Variants in MYO9A observed in about 807,000 individuals in gnomAD.
MYO9A encodes the protein myosin IXA, also known as unconventional myosin-IXa.
Under a neutral mutation model 293.3 loss-of-function variants are expected in MYO9A, and 103 were observed. The observed-to-expected ratio is 0.35, with a 90% CI of 0.30 to 0.41. The LOEUF (loss-of-function observed/expected upper bound fraction) is 0.41. Among genes scored for constraint, MYO9A ranks in the 10% least tolerant of loss-of-function variants. MYO9A has a pLI of 1.00. For missense variants in MYO9A, 2,685 were observed against 3,033.0 expected (o/e 0.89, Z 2.69); for synonymous variants, 1,001 against 1,035.7 (o/e 0.97, Z 0.64).
At chr15:72,000,134 T>C (rs749553728) in intron 8 of MYO9A, among the ~76,000 whole-genome samples, 194 bp from the exon 9 acceptor site, 99 of 152,028 alleles carry the variant, frequency 6.5e-4, no homozygotes, top group Non-Finnish European at 1.8e-4. Flanking sequence ...GACAAATGGG[T>C]TTTTTCAAGT....
chr15:71,856,138 C>T (rs932356716), intron 34 of MYO9A, among the ~76,000 whole-genome samples: 1 of 151,886 alleles, frequency 6.6e-6, no homozygotes. Context: ...TGGTGAAACC[C>T]CATTTCTACT....
At chr15:71,921,467 C>A (rs12900967) in intron 18 of MYO9A, among the ~76,000 whole-genome samples, 1 of 152,172 alleles carries the variant, frequency 6.6e-6, no homozygotes, top group African/African-American at 2.4e-5. Flanking sequence ...GTCATCCCTT[C>A]CACCCACTCC....
intron 27 of MYO9A, among the ~76,000 whole-genome samples, chr15:71,886,781 G>A (rs964790646): frequency 1.3e-5 from 2 of 152,056 alleles, no homozygotes; most frequent in Non-Finnish European, 2.9e-5. Context: ...TTTAGCAATT[G>A]TGGGGGAGGA....
intron 15 of MYO9A, chr15:71,950,441 G>C (rs2146515969): frequency 6.6e-6 from 1 of 152,220 alleles, no homozygotes; most frequent in East Asian, 1.9e-4. Flanking sequence ...CTATTTAAGA[G>C]TTAATAGAAA....
intron 9 of MYO9A, among the ~76,000 whole-genome samples, chr15:71,997,308 T>G (rs2076725984): frequency 6.6e-6 from 1 of 152,046 alleles, no homozygotes; most frequent in Non-Finnish European, 1.5e-5. Context: ...ATATATTTAT[T>G]AAAGAAATAA....
intron 9 of MYO9A, among the ~76,000 whole-genome samples, chr15:71,998,212 C>T (rs2076754919): frequency 2.0e-5 from 3 of 152,104 alleles, no homozygotes; most frequent in Admixed American, 6.5e-5. Flanking sequence ...TGCAAACTAA[C>T]GCAGGAACAG....
chr15:71,824,588 C>T lies in MYO9A; in HGVS notation c.*1992G>A, dbSNP rs1595966698. 1 of 152,268 alleles carries T rather than the reference C, an allele frequency of 6.6e-6. No individual in the cohort carries two copies. The highest frequency in any genetic ancestry group is 1.9e-4 in the East Asian group (1 of 5,204). The allele number at this position is 152,268 out of a possible 1,614,324, so 9.4% of individuals were successfully genotyped here. On this transcript the variant is annotated 3_prime_UTR_variant, in exon 42 of 42. Transcript: ENST00000356056. ...AGGAACCAGCAATCCCACTCTAACA[C>T]ACCATGCTGAGGGGTTTTCCTCTAT...
chr15:72,003,247 C>T (rs552965288), intron 8 of MYO9A, among the ~76,000 whole-genome samples: 1 of 119,500 alleles, frequency 8.4e-6, no homozygotes, highest in East Asian at 2.4e-4. Flanking sequence ...GTAGCCTGGG[C>T]AACAAGAGCA....
chr15:71,891,710 A>G (rs1352827386), intron 26 of MYO9A: 7 of 152,190 alleles, frequency 4.6e-5, no homozygotes, highest in African/African-American at 9.6e-5. Context: ...TGACTCATTT[A>G]TCTAATCAGG....
chr15:71,997,762 A>G (rs1464372819), intron 9 of MYO9A, among the ~76,000 whole-genome samples: 2 of 152,190 alleles, frequency 1.3e-5, no homozygotes, highest in Non-Finnish European at 2.9e-5. Flanking sequence ...AATCAAAACC[A>G]CAATGAGATA....
At chr15:71,931,929 C>T (rs2058485955) in intron 18 of MYO9A, among the ~76,000 whole-genome samples, 2 of 152,000 alleles carry the variant, frequency 1.3e-5, no homozygotes, top group Non-Finnish European at 2.9e-5. Context: ...TTTGTTGTCT[C>T]CAGGAAATTA....
At position 71,935,337 on chromosome 15, in the gene MYO9A, T is replaced by A; in HGVS notation, c.2522+4A>T. 6.2e-7 allele frequency: 1 copy of A among 1,612,830 alleles called. No individual in the cohort carries two copies. Among genetic ancestry groups the A allele is most frequent in the East Asian group, 2.2e-5 (1 of 44,856 alleles). On this transcript the variant is annotated splice_donor_region_variant and intron_variant, in intron 17 of 41. Transcript: ENST00000356056. ...AACAATTTACATTACTGATTAGTAC[T>A]GACGTGAGAATTCCATGGGCTCTCT...
chr15:72,118,271 C>T (rs933847968), upstream of MYO9A: 37 of 299,262 alleles, frequency 1.2e-4, 1 homozygote, highest in Admixed American at 1.9e-3. Flanking sequence ...TTCCTACGCC[C>T]CAGGCGGCCC....
chr15:71,902,048 C>G (rs1308346345), intron 22 of MYO9A, among the ~76,000 whole-genome samples: 2 of 151,960 alleles, frequency 1.3e-5, no homozygotes, highest in African/African-American at 4.8e-5. Context: ...CCTTTAGAAA[C>G]AGGAATTATA....
intron 11 of MYO9A, among the ~76,000 whole-genome samples, chr15:71,986,376 ACCTCTTTGG>A (rs1269393364): frequency 1.3e-5 from 2 of 151,866 alleles, no homozygotes; most frequent in Non-Finnish European, 2.9e-5. Context: ...AATATCAGAA[ACCTCTTTGG>A]GTCTGTCTCT....
intron 5 of MYO9A, among the ~76,000 whole-genome samples, chr15:72,020,536 T>C (rs1325869158): frequency 6.6e-6 from 1 of 152,134 alleles, no homozygotes; most frequent in Non-Finnish European, 1.5e-5. Flanking sequence ...GCAAATTAGG[T>C]TTCAAGTAAT....
intron 1 of MYO9A, among the ~76,000 whole-genome samples, chr15:72,102,703 T>C (rs2080399245): frequency 6.6e-6 from 1 of 151,968 alleles, no homozygotes; most frequent in African/African-American, 2.4e-5. Flanking sequence ...GCTTCCTTGA[T>C]TCGATAAAAG....
intron 14 of MYO9A, among the ~76,000 whole-genome samples, chr15:71,954,373 T>G (rs1205264400): frequency 1.3e-5 from 2 of 151,986 alleles, no homozygotes; most frequent in African/African-American, 2.4e-5. Flanking sequence ...GCTAATTTTG[T>G]TTTTGTATTT....
At chr15:71,857,038 G>A (rs753226819) in intron 34 of MYO9A, among the ~76,000 whole-genome samples, 4 of 152,068 alleles carry the variant, frequency 2.6e-5, no homozygotes, top group Non-Finnish European at 5.9e-5. Context: ...TTAGTCAAAT[G>A]TTTTCCTAAT....
Sources: gnomAD v4.1 joint callset for allele counts (sites outside exome capture counted in the v4.1 genomes callset) on GRCh38, gnomAD v4.1.1 for gene constraint, MANE v1.5 for transcripts, NCBI Gene and HGNC (gene_info 2026-07-23, HGNC 2026-07-21) for gene names.